SACM1L: variants seen among roughly 807,000 people sequenced by gnomAD.
SACM1L encodes phosphatidylinositol-3-phosphatase SAC1.
SACM1L carries 32 observed loss-of-function variants against 89.5 expected under a neutral mutation model. The observed-to-expected ratio is 0.36, with a 90% CI of 0.27 to 0.48. The LOEUF (loss-of-function observed/expected upper bound fraction) is 0.48. Among genes scored for constraint, SACM1L ranks in the 20% least tolerant of loss-of-function variants. SACM1L has a pLI of 0.99. For synonymous variants in SACM1L, 213 were observed against 232.8 expected (o/e 0.92, Z 0.77); for missense variants, 543 against 708.5 (o/e 0.77, Z 2.65).
chr3:45,698,856 T>G (rs752126844), intron 1 of SACM1L, among the ~76,000 whole-genome samples: 25 of 151,966 alleles, frequency 1.6e-4, no homozygotes, highest in Admixed American at 2.6e-4. Context: ...AACCTCCACC[T>G]CCTGGGTTCA....
intron 1 of SACM1L, among the ~76,000 whole-genome samples, chr3:45,699,206 G>A (rs187669418): frequency 2.7e-4 from 41 of 151,506 alleles, no homozygotes; most frequent in African/African-American, 8.7e-4. Flanking sequence ...CATATCTAGC[G>A]CACCAGCATG....
intron 8 of SACM1L, 40 bp downstream of exon 8, chr3:45,719,641 A>G: frequency 1.7e-6 from 2 of 1,199,388 alleles, no homozygotes; most frequent in Non-Finnish European, 2.4e-6. Context: ...TGTAATTAAT[A>G]TTTTGTCTTA....
At chr3:45,708,808 C>T (rs1271441597) in intron 4 of SACM1L, among the ~76,000 whole-genome samples, 1 of 152,070 alleles carries the variant, frequency 6.6e-6, no homozygotes, top group African/African-American at 2.4e-5. Context: ...ACAAGTTAAT[C>T]ATTTAGTAAT....
chr3:45,736,041 A>G (rs1040224231), intron 14 of SACM1L, among the ~76,000 whole-genome samples: 3 of 150,494 alleles, frequency 2.0e-5, no homozygotes, highest in African/African-American at 7.3e-5. Context: ...TAATTTTTGT[A>G]TTTTTTTTTG....
At chr3:45,691,718 G>A (rs141561879) in intron 1 of SACM1L, among the ~76,000 whole-genome samples, 15 of 151,964 alleles carry the variant, frequency 9.9e-5, no homozygotes, top group East Asian at 9.7e-4. Flanking sequence ...AGTCTCAAGC[G>A]AGCCTCCCAC....
At chr3:45,731,250 T>C (rs2531755) in intron 11 of SACM1L, 51 bp from the exon 12 acceptor site, 777,084 of 1,233,622 alleles carry the variant, frequency 0.63, 249,373 homozygotes, top group Non-Finnish European at 0.66. Flanking sequence ...TCTGATACCA[T>C]TCTCTCCTTT....
chr3:45,741,185 C>T (rs1456665035), intron 19 of SACM1L, among the ~76,000 whole-genome samples: 1 of 152,170 alleles, frequency 6.6e-6, no homozygotes, highest in Non-Finnish European at 1.5e-5. Context: ...CTCTCTCTGC[C>T]TGTCTGAATT....
At chr3:45,742,554 C>G (rs2742373) in intron 19 of SACM1L, 73,090 of 152,098 alleles carry the variant, frequency 0.48, 18,182 homozygotes, top group Middle Eastern at 0.57. Flanking sequence ...TTCAGCTATT[C>G]AAGGAGTAAA....
chr3:45,739,835 G>T, intron 19 of SACM1L, 191 bp downstream of exon 19: 2 of 608,748 alleles, frequency 3.3e-6, no homozygotes, highest in Non-Finnish European at 5.8e-6. Context: ...GATGGTTGTC[G>T]TTTTTTTTAA....
At chr3:45,720,399 A>C (rs1441606301) in intron 8 of SACM1L, among the ~76,000 whole-genome samples, 1 of 152,084 alleles carries the variant, frequency 6.6e-6, no homozygotes, top group East Asian at 1.9e-4. Context: ...TAATGCAATA[A>C]AAAATATTTC....
rs760047046 is a variant in SACM1L at position 45,719,494 on chromosome 3, G to T, written c.578-6G>T. 6 of 1,509,296 alleles carry T rather than the reference G, an allele frequency of 4.0e-6. No homozygotes were observed. Among genetic ancestry groups the T allele is most frequent in the South Asian group, 1.2e-5 (1 of 85,416 alleles). 93.5% of individuals were successfully genotyped at this position (1,509,296 alleles called of 1,614,324 possible). ...TATATGTTATATTTTTCTTAATGTG[G>T]TTAAGTTATTACCATGCATTCATGT... On this transcript the variant is annotated splice_polypyrimidine_tract_variant and splice_region_variant and intron_variant, in intron 7 of 19. Coordinates refer to ENST00000389061, the MANE Select transcript of SACM1L (RefSeq NM_014016.5).
chr3:45,727,861 C>G (rs895820081), intron 11 of SACM1L, among the ~76,000 whole-genome samples: 1 of 152,200 alleles, frequency 6.6e-6, no homozygotes, highest in African/African-American at 2.4e-5. Flanking sequence ...TTCCAAAGTG[C>G]TGGGATTACA....
intron 10 of SACM1L, among the ~76,000 whole-genome samples, 172 bp downstream of exon 10, chr3:45,723,127 CA>C (rs898519084): frequency 6.6e-5 from 10 of 152,120 alleles, no homozygotes; most frequent in Admixed American, 5.9e-4. Flanking sequence ...GTGTGGGTGG[CA>C]TGTTAGAAAT....
chr3:45,739,525 C>T, intron 18 of SACM1L, 62 bp from the exon 19 acceptor site: 1 of 1,458,322 alleles, frequency 6.9e-7, no homozygotes, highest in Non-Finnish European at 9.6e-7. Flanking sequence ...GCATGCACAA[C>T]TGATTTTGCT....
At chr3:45,741,025 A>G (rs202137976) in intron 19 of SACM1L, among the ~76,000 whole-genome samples, 1 of 152,338 alleles carries the variant, frequency 6.6e-6, no homozygotes, top group East Asian at 1.9e-4. Flanking sequence ...AGAAGAATGT[A>G]TTCTTTATTC....
chr3:45,731,290 AT>A lies in SACM1L; in HGVS notation c.922-5del. On this transcript the variant is annotated splice_polypyrimidine_tract_variant and intron_variant, in intron 11 of 19. Transcript: ENST00000389061. ...TAAACTGGAAACTATGGTGTTTGAAATTTTTTACAGATTAACCAGAAGGGCT... is the reference window on the plus strand; with the variant it reads ...TAAACTGGAAACTATGGTGTTTGAAATTTTTACAGATTAACCAGAAGGGCT... 1 of 1,598,734 alleles carries A rather than the reference AT, an allele frequency of 6.3e-7. No individual in the cohort carries two copies. The highest frequency in any genetic ancestry group is 8.5e-7 in the Non-Finnish European group (1 of 1,170,646).
intron 6 of SACM1L, chr3:45,713,437 AAGAG>A (rs1399317092): frequency 3.2e-6 from 1 of 311,644 alleles, no homozygotes; most frequent in East Asian, 5.6e-5. Context: ...TTGTCTAACT[AAGAG>A]AGATACAGGG....
intron 5 of SACM1L, 26 bp from the exon 6 acceptor site, chr3:45,713,111 T>C: frequency 6.3e-7 from 1 of 1,584,542 alleles, no homozygotes; most frequent in Admixed American, 1.7e-5. Context: ...AGGAGATATT[T>C]TATTAAATTT....
chr3:45,695,247 T>C (rs1238581438), intron 1 of SACM1L, among the ~76,000 whole-genome samples: 1 of 150,756 alleles, frequency 6.6e-6, no homozygotes, highest in East Asian at 2.0e-4. Flanking sequence ...AATTTGATCA[T>C]TAAGACCTTG....
Sources: allele counts gnomAD v4.1 joint callset (sites outside exome capture counted in the v4.1 genomes callset), GRCh38; gene constraint gnomAD v4.1.1; transcripts MANE v1.5; gene names NCBI Gene and HGNC (gene_info 2026-07-23, HGNC 2026-07-21).